RGS12: variants seen among roughly 807,000 people sequenced by gnomAD.
The protein encoded by RGS12 is regulator of G protein signaling 12, also known as regulator of G-protein signaling 12.
A neutral mutation model predicts 120.1 loss-of-function variants in RGS12; 66 were observed. The observed-to-expected ratio is 0.55, with a 90% CI of 0.45 to 0.67. RGS12 has a LOEUF of 0.67. RGS12 is among the 30% of genes least tolerant of loss of function. RGS12 has a pLI of 0.00. For synonymous variants in RGS12, 827 were observed against 804.7 expected, an observed-to-expected ratio of 1.03 and a Z score of -0.47; for missense variants, 1,859 against 1,957.7, an observed-to-expected ratio of 0.95 and a Z score of 0.95.
intron 17 of RGS12, chr4:3,431,530 C>T (rs774437113): frequency 6.9e-5 from 68 of 985,884 alleles, no homozygotes; most frequent in Non-Finnish European, 4.6e-5. Context: ...TCTCTGACCG[C>T]GGGTGTCACG....
At chr4:3,313,437 G>T (rs1399423591) in intron 1 of RGS12, among the ~76,000 whole-genome samples, 1 of 152,214 alleles carries the variant, frequency 6.6e-6, no homozygotes, top group South Asian at 2.1e-4. Context: ...GCTTTAGTGA[G>T]ACCGTTTCAC....
chr4:3,346,572 G>A (rs1713816465), intron 3 of RGS12, among the ~76,000 whole-genome samples: 1 of 152,204 alleles, frequency 6.6e-6, no homozygotes, highest in Non-Finnish European at 1.5e-5. Context: ...AGGGCTTCAG[G>A]AATAGAGTAG....
chr4:3,294,430 C>A (rs1723249058), intron 1 of RGS12, among the ~76,000 whole-genome samples: 1 of 152,046 alleles, frequency 6.6e-6, no homozygotes, highest in Admixed American at 6.5e-5. Context: ...TAAGGGAGAA[C>A]CAGTTTATAT....
chr4:3,398,693 G>A (rs1330090241), intron 4 of RGS12, among the ~76,000 whole-genome samples: 5 of 151,940 alleles, frequency 3.3e-5, no homozygotes, highest in Admixed American at 3.3e-4. Flanking sequence ...GTACTCCGAG[G>A]GGGAATTATT....
At chr4:3,405,665 C>T (rs1721036368) in intron 4 of RGS12, among the ~76,000 whole-genome samples, 1 of 152,208 alleles carries the variant, frequency 6.6e-6, no homozygotes, top group South Asian at 2.1e-4. Flanking sequence ...GAAATCTACA[C>T]TGACGTGTTT....
chr4:3,387,651 G>A (rs919631062), intron 4 of RGS12, among the ~76,000 whole-genome samples: 3 of 152,204 alleles, frequency 2.0e-5, no homozygotes, highest in Non-Finnish European at 4.4e-5. Flanking sequence ...GTCTTAAGGT[G>A]GAGGGAGGAT....
At position 3,316,998 on chromosome 4, in the gene RGS12, C is replaced by A; in HGVS notation, c.828C>A (p.Ile276=). ...TCCACTCGCTGGTGACCATGAAGAT[C>A]ATGCACGACTGTGTGCAGCTGAGCA... The part of the protein sequence containing the change: ...QKIHSLVTMK[I]MHDCVQLSTD... Residue 276 remains isoleucine (I), a synonymous_variant, in exon 2 of 18, where the codon ATC becomes ATA. Coordinates refer to ENST00000336727, the MANE Select transcript of RGS12 (RefSeq NM_001394154.1). 6.2e-7 allele frequency: 1 copy of A among 1,613,708 alleles called. No homozygotes were observed. The highest frequency in any genetic ancestry group is 1.1e-5 in the South Asian group (1 of 91,078).
intron 3 of RGS12, among the ~76,000 whole-genome samples, chr4:3,376,129 A>T (rs1449938439): frequency 6.6e-6 from 1 of 152,240 alleles, no homozygotes; most frequent in South Asian, 2.1e-4. Context: ...ATATTATCTT[A>T]GGCTCCGCCA....
At chr4:3,381,363 A>G (rs1273832284) in intron 3 of RGS12, among the ~76,000 whole-genome samples, 1 of 152,178 alleles carries the variant, frequency 6.6e-6, no homozygotes, top group Non-Finnish European at 1.5e-5. Flanking sequence ...TCACTTGCAC[A>G]TTTTCAGATA....
intron 4 of RGS12, among the ~76,000 whole-genome samples, chr4:3,411,185 T>C (rs1193598700): frequency 6.6e-6 from 1 of 152,218 alleles, no homozygotes; most frequent in Non-Finnish European, 1.5e-5. Context: ...TCCGACTAGA[T>C]AGTTTTTCAG....
chr4:3,317,852 C>G lies in RGS12; in HGVS notation c.1682C>G (p.Thr561Ser). The change falls in exon 2 of 18, where the codon ACC becomes AGC. Residue 561 changes from threonine (T) to serine (S), a missense_variant. Thr to Ser is a moderately conservative substitution (Grantham distance 58). Around this residue, in one of 3 missense-constraint regions of RGS12, gnomAD observed 967 missense variants for 994.2 expected, o/e 0.97. Coordinates refer to ENST00000336727, the MANE Select transcript of RGS12 (RefSeq NM_001394154.1). Reference sequence around the variant, plus strand: ...GACCAGGACTCTTACACAGATTCCACCGATGGCTGGTCCAGCATCAACTGC... The same window carrying G: ...GACCAGGACTCTTACACAGATTCCAGCGATGGCTGGTCCAGCATCAACTGC... The part of the protein sequence containing the change: ...TSDQDSYTDS[T>S]DGWSSINCGT... 1 of 1,613,632 alleles carries G rather than the reference C, an allele frequency of 6.2e-7. No individual in the cohort carries two copies. Among genetic ancestry groups the G allele is most frequent in the Non-Finnish European group, 8.5e-7 (1 of 1,179,924 alleles).
the RGS12 span, among the ~76,000 whole-genome samples, chr4:3,287,143 G>A: frequency 4.6e-5 from 7 of 152,352 alleles, no homozygotes; most frequent in South Asian, 2.1e-4. Context: ...GCGGAAGAGC[G>A]AGCAGCGCCC....
intron 4 of RGS12, among the ~76,000 whole-genome samples, chr4:3,402,894 A>G (rs1352713728): frequency 6.6e-6 from 1 of 152,226 alleles, no homozygotes; most frequent in African/African-American, 2.4e-5. Context: ...TGATCTTTGA[A>G]AAATGTTCTG....
intron 3 of RGS12, among the ~76,000 whole-genome samples, chr4:3,361,857 C>T (rs947484584): frequency 6.6e-5 from 10 of 152,216 alleles, no homozygotes; most frequent in African/African-American, 2.2e-4. Context: ...CTTCGAGCTA[C>T]ACCAAGGGCC....
chr4:3,434,687 C>T (rs1724642390), intron 17 of RGS12, among the ~76,000 whole-genome samples: 2 of 152,240 alleles, frequency 1.3e-5, no homozygotes, highest in Non-Finnish European at 2.9e-5. Context: ...CGTGCACCCA[C>T]ACCCGAGTTT....
chr4:3,366,875 G>A lies in RGS12; in HGVS notation c.1999-19541G>A, dbSNP rs769593323. ...CCCTGGGTCACCCACAGGCCCCTTT[G>A]CCTTCACTGGAACTTTCCAGTTAGC... On this transcript the variant is annotated intron_variant, in intron 3 of 17. Coordinates refer to ENST00000336727, the MANE Select transcript of RGS12 (RefSeq NM_001394154.1). The surrounding 1 kb of genome is among the most constrained non-coding windows in gnomAD (Gnocchi z 4.0). Among the ~76,000 whole-genome samples, 25 of 152,174 alleles carry A rather than the reference G, an allele frequency of 1.6e-4. No individual in the cohort carries two copies. Among genetic ancestry groups the A allele is most frequent in the Admixed American group, 4.6e-4 (7 of 15,282 alleles).
intron 2 of RGS12, among the ~76,000 whole-genome samples, chr4:3,338,674 G>A (rs529678835): frequency 6.6e-6 from 1 of 152,334 alleles, no homozygotes; most frequent in African/African-American, 2.4e-5. Context: ...GCTCCACTCA[G>A]TGCCCTTGAG....
At chr4:3,351,304 T>A (rs1714332172) in intron 3 of RGS12, among the ~76,000 whole-genome samples, 1 of 152,176 alleles carries the variant, frequency 6.6e-6, no homozygotes, top group African/African-American at 2.4e-5. Context: ...ACAAAATAAT[T>A]TTTATGTCAG....
At chr4:3,434,691 C>T (rs900420180) in intron 17 of RGS12, among the ~76,000 whole-genome samples, 7 of 152,216 alleles carry the variant, frequency 4.6e-5, no homozygotes, top group South Asian at 2.1e-4. Context: ...CACCCACACC[C>T]GAGTTTCCAA....
Sources: allele counts gnomAD v4.1 joint callset (sites outside exome capture counted in the v4.1 genomes callset), GRCh38; gene constraint gnomAD v4.1.1; regional missense constraint gnomAD v4.1.1; non-coding constraint Gnocchi (gnomAD v3.1); transcripts MANE v1.5; gene names NCBI Gene and HGNC (gene_info 2026-07-23, HGNC 2026-07-21).